STXBP5L: variants seen among roughly 807,000 people sequenced by gnomAD.
STXBP5L encodes the protein syntaxin-binding protein 5-like.
STXBP5L carries 65 observed loss-of-function variants against 144.5 expected under a neutral mutation model. The ratio of observed to expected loss-of-function variants is 0.45; its 90% CI spans 0.37 to 0.55. The LOEUF is 0.55. Among genes scored for constraint, STXBP5L ranks in the 20% least tolerant of loss-of-function variants. The pLI is 0.00. For synonymous variants in STXBP5L, 505 were observed against 469.6 expected, an observed-to-expected ratio of 1.08 and a Z score of -0.97; for missense variants, 1,298 against 1,405.5, an observed-to-expected ratio of 0.92 and a Z score of 1.22.
intron 9 of STXBP5L, among the ~76,000 whole-genome samples, chr3:121,186,516 T>G (rs1224301064): frequency 4.6e-5 from 7 of 152,188 alleles, no homozygotes; most frequent in Non-Finnish European, 1.0e-4. Context: ...ATTGTTGAAT[T>G]TTGTCAAAGG....
intron 3 of STXBP5L, among the ~76,000 whole-genome samples, chr3:120,987,009 A>G (rs1332736727): frequency 6.6e-6 from 1 of 151,974 alleles, no homozygotes. Flanking sequence ...AGAAAGTTAT[A>G]GAGAGAATAT....
Position 121,418,362 on chromosome 3 carries a change from A to G in STXBP5L, c.3252A>G (p.Ala1084=). 1.2e-6 allele frequency: 2 copies of G among 1,613,584 alleles called. No individual in the cohort carries two copies. Among genetic ancestry groups the G allele is most frequent in the South Asian group, 2.2e-5 (2 of 91,002 alleles). Residue 1084 remains alanine, a synonymous_variant, in exon 26 of 27, where the codon GCA becomes GCG. Transcript: ENST00000471454. ...ELFGEASAGK[A]SRSLAQHIPG... is the part of the protein sequence containing the mutation. The stretch of plus-strand genomic sequence containing the variant: ...TTGGGGAAGCTTCGGCAGGAAAAGC[A>G]TCCCGCAGCCTTGCGCAACACATTC...
chr3:121,036,714 T>C (rs1268872783), intron 3 of STXBP5L, among the ~76,000 whole-genome samples: 1 of 151,894 alleles, frequency 6.6e-6, no homozygotes, highest in East Asian at 1.9e-4. Context: ...ATGCTTTTTC[T>C]GTATCTATCA....
chr3:121,227,709 A>C (rs1364043190), intron 11 of STXBP5L, among the ~76,000 whole-genome samples: 1 of 152,226 alleles, frequency 6.6e-6, no homozygotes, highest in Non-Finnish European at 1.5e-5. Flanking sequence ...AGATATGATG[A>C]GAATTTCCAA....
intron 20 of STXBP5L, among the ~76,000 whole-genome samples, chr3:121,375,073 G>A (rs956250808): frequency 2.0e-5 from 3 of 152,106 alleles, no homozygotes; most frequent in Admixed American, 1.3e-4. Flanking sequence ...ACCAGGTACA[G>A]AGTACTTATT....
At chr3:121,151,930 TC>T (rs1387955840) in intron 7 of STXBP5L, among the ~76,000 whole-genome samples, 2 of 150,274 alleles carry the variant, frequency 1.3e-5, no homozygotes, top group Non-Finnish European at 3.0e-5. Context: ...ATTTTATTAA[TC>T]ATCTTATTTA....
At chr3:121,094,564 A>T (rs1452002250) in intron 5 of STXBP5L, among the ~76,000 whole-genome samples, 1 of 151,810 alleles carries the variant, frequency 6.6e-6, no homozygotes, top group Non-Finnish European at 1.5e-5. Context: ...GTTGGTTTAA[A>T]GTCTGTTTTA....
intron 12 of STXBP5L, among the ~76,000 whole-genome samples, chr3:121,236,602 A>G (rs547855198): frequency 1.3e-5 from 2 of 152,332 alleles, no homozygotes; most frequent in African/African-American, 4.8e-5. Flanking sequence ...AAGGGAAGAC[A>G]TTAATCTATT....
At chr3:121,159,652 C>T (rs1412851228) in intron 9 of STXBP5L, among the ~76,000 whole-genome samples, 3 of 123,876 alleles carry the variant, frequency 2.4e-5, no homozygotes, top group African/African-American at 6.2e-5. Context: ...TTTTTTGAGA[C>T]GGAGTCTCGC....
At chr3:120,926,355 T>TC (rs999068162) in intron 2 of STXBP5L, among the ~76,000 whole-genome samples, 4 of 43,622 alleles carry the variant, frequency 9.2e-5, no homozygotes, top group Non-Finnish European at 1.9e-4. Context: ...GGATGGCAGT[T>TC]CTTTTTTTTT....
At chr3:121,342,093 T>C (rs1576222821) in intron 20 of STXBP5L, among the ~76,000 whole-genome samples, 1 of 152,008 alleles carries the variant, frequency 6.6e-6, no homozygotes, top group African/African-American at 2.4e-5. Context: ...ATATATGTCA[T>C]GTACCCCATA....
At chr3:121,394,528 T>A (rs1173954311) in intron 22 of STXBP5L, among the ~76,000 whole-genome samples, 2 of 152,118 alleles carry the variant, frequency 1.3e-5, no homozygotes, top group Non-Finnish European at 2.9e-5. Flanking sequence ...TTCAGTATGA[T>A]GTTGGCTATG....
At chr3:121,223,617 TTACTC>T (rs1407371130) in intron 11 of STXBP5L, among the ~76,000 whole-genome samples, 1 of 152,196 alleles carries the variant, frequency 6.6e-6, no homozygotes, top group African/African-American at 2.4e-5. Context: ...GCACCTCTGA[TTACTC>T]TAGTAATGCA....
At chr3:120,911,193 T>C (rs923599365) in intron 2 of STXBP5L, among the ~76,000 whole-genome samples, 2 of 152,208 alleles carry the variant, frequency 1.3e-5, no homozygotes, top group East Asian at 3.9e-4. Flanking sequence ...CAGAATGGCA[T>C]TGGGCTGTTG....
chr3:121,123,561 C>T (rs1402961767), intron 7 of STXBP5L, among the ~76,000 whole-genome samples: 1 of 149,998 alleles, frequency 6.7e-6, no homozygotes, highest in East Asian at 1.9e-4. Context: ...TATTCAAATG[C>T]CTAAGAAAAA....
intron 3 of STXBP5L, among the ~76,000 whole-genome samples, chr3:121,030,492 A>C (rs761186997): frequency 2.0e-5 from 3 of 152,102 alleles, no homozygotes; most frequent in Non-Finnish European, 4.4e-5. Flanking sequence ...GAACACATGG[A>C]TACAGCATGG....
rs184857681 is a variant in STXBP5L at position 121,331,577 on chromosome 3, C to T, written c.2176+13037C>T. Among the ~76,000 whole-genome samples, 24 of 152,248 alleles carry T rather than the reference C, an allele frequency of 1.6e-4. 1 individual carries two copies. Among genetic ancestry groups the T allele is most frequent in the Admixed American group, 1.6e-3 (24 of 15,292 alleles). ...GTGTGTCTGGGAGTTGAGTAGCTTT[C>T]CTTCTGGTCTGGCAGAGGAGCTGAG... On this transcript the variant is annotated intron_variant, in intron 20 of 26. Coordinates refer to ENST00000471454, the MANE Select transcript of STXBP5L (RefSeq NM_001308330.2).
chr3:121,211,578 C>CTTTTTTT (rs1188424283), intron 10 of STXBP5L, among the ~76,000 whole-genome samples: 16 of 110,254 alleles, frequency 1.5e-4, no homozygotes, highest in East Asian at 2.6e-4. Context: ...TTTTTTCTTT[C>CTTTTTTT]TTTTTTTTTT....
intron 19 of STXBP5L, among the ~76,000 whole-genome samples, chr3:121,282,982 A>C (rs1041710107): frequency 6.6e-6 from 1 of 152,034 alleles, no homozygotes; most frequent in African/African-American, 2.4e-5. Flanking sequence ...CAATTATAAA[A>C]ACTGGTATAG....
Sources: gnomAD v4.1 joint callset for allele counts (sites outside exome capture counted in the v4.1 genomes callset) on GRCh38, gnomAD v4.1.1 for gene constraint, MANE v1.5 for transcripts, NCBI Gene and HGNC (gene_info 2026-07-23, HGNC 2026-07-21) for gene names.